ATRN: variants seen among roughly 807,000 people sequenced by gnomAD.
The protein encoded by ATRN is attractin.
Under a neutral mutation model 178.7 loss-of-function variants are expected in ATRN, and 54 were observed. The observed-to-expected ratio is 0.30, with a 90% confidence interval of 0.24 to 0.38. The LOEUF (loss-of-function observed/expected upper bound fraction) is 0.38, where lower values mean the gene tolerates loss of function less well. ATRN is among the 10% of genes least tolerant of loss of function. The probability of loss-of-function intolerance (pLI) is 1.00; values close to 1 mark genes in which losing one functional copy is unlikely to be tolerated. For synonymous variants in ATRN, 636 were observed against 663.0 expected, an observed-to-expected ratio of 0.96 and a Z score of 0.63; for missense variants, 1,443 against 1,815.1, an observed-to-expected ratio of 0.79 and a Z score of 3.73.
chr20:3,632,162 T>C lies in ATRN; in HGVS notation c.3864-2149T>C, dbSNP rs1009033093. On this transcript the variant is annotated intron_variant, in intron 25 of 28. Coordinates refer to ENST00000262919, the MANE Select transcript of ATRN (RefSeq NM_139321.3). This position sits in a 1 kb window ranked among gnomAD's most constrained non-coding sequence, Gnocchi z 4.2. ...ATCTCAGGGTTCTGCATGTCTAAAA[T>C]GGATCTACTGATATGTCCAGATTCC... Among the ~76,000 whole-genome samples the C allele has an allele frequency of 1.8e-3, 271 of 152,294 alleles. No homozygotes were observed. The highest frequency in any genetic ancestry group is 6.2e-3 in the African/African-American group (259 of 41,560).
chr20:3,482,416 A>T (rs1230832279), intron 1 of ATRN, among the ~76,000 whole-genome samples: 2 of 152,090 alleles, frequency 1.3e-5, no homozygotes, highest in Non-Finnish European at 2.9e-5. Context: ...ATTTTTTAGA[A>T]TTTTTTTGCG....
rs2085941795 is a variant in ATRN, at chr20:3,560,823, G to A, written c.1365G>A (p.Lys455=). Residue 455 remains lysine (K), a synonymous_variant, in exon 8 of 29, where the codon AAG becomes AAA. Transcript: ENST00000262919. ...ACTCTGCACACATTGTTACACTGAA[G>A]AATGGCCGAGTGGTCATGCTGGTCA... is the stretch of plus-strand genomic sequence containing the variant. ...VGHSAHIVTL[K]NGRVVMLVIF... The A allele has an allele frequency of 6.2e-7, 1 of 1,614,066 alleles. No homozygotes were observed. Among genetic ancestry groups the A allele is most frequent in the Non-Finnish European group, 8.5e-7 (1 of 1,180,044 alleles).
Position 3,624,546 on chromosome 20 carries a change from G to A in ATRN, c.3837G>A (p.Leu1279=), listed in dbSNP as rs1260330433. ...AFSQHSNFMD[L]VQFFVTFFSC... ...CTCAGCACAGCAATTTTATGGACCT[G>A]GTACAGTTCTTCGTGACTTTCTTCA... Residue 1279 remains leucine, a synonymous_variant, in exon 25 of 29, where the codon CTG becomes CTA. Transcript: ENST00000262919. 14 of 1,613,776 alleles carry A rather than the reference G, an allele frequency of 8.7e-6. No individual in the cohort carries two copies. The highest frequency in any genetic ancestry group is 1.2e-5 in the Non-Finnish European group (14 of 1,179,926).
At chr20:3,554,990 C>CTTTTTTTTTTTTTTTT (rs536209701) in intron 6 of ATRN, among the ~76,000 whole-genome samples, 1 of 67,490 alleles carries the variant, frequency 1.5e-5, no homozygotes, top group African/African-American at 7.0e-5. Flanking sequence ...GACCTGACCT[C>CTTTTTTTTTTTTTTTT]TTTTTTTTTT....
intron 6 of ATRN, among the ~76,000 whole-genome samples, chr20:3,556,332 G>T (rs567045627): frequency 6.6e-6 from 1 of 152,326 alleles, no homozygotes; most frequent in Admixed American, 6.5e-5. Context: ...TGCTTGGAGT[G>T]TATCCAAGAA....
chr20:3,593,962 G>A (rs2086488148), intron 19 of ATRN, among the ~76,000 whole-genome samples: 1 of 152,110 alleles, frequency 6.6e-6, no homozygotes, highest in Admixed American at 6.6e-5. Context: ...TGTCCTGAGG[G>A]CCCCTAAAGC....
Position 3,638,950 on chromosome 20 carries a change from C to G in ATRN, c.4050+15C>G, listed in dbSNP as rs370681120. On this transcript the variant is annotated intron_variant, in intron 27 of 28. Coordinates refer to ENST00000262919, the MANE Select transcript of ATRN (RefSeq NM_139321.3). The surrounding 1 kb of genome is among the most constrained non-coding windows in gnomAD (Gnocchi z 4.5). The stretch of plus-strand genomic sequence containing the variant: ...GGAGTATAAAGGTGAGAATGTGACT[C>G]AGAAGTCCCTATAACTTGACTTTTT... The G allele has an allele frequency of 6.2e-6, 10 of 1,604,460 alleles. No individual in the cohort carries two copies. Among genetic ancestry groups the G allele is most frequent in the Non-Finnish European group, 8.5e-6 (10 of 1,172,768 alleles).
intron 25 of ATRN, among the ~76,000 whole-genome samples, chr20:3,631,724 G>A (rs2086991087): frequency 6.6e-6 from 1 of 152,194 alleles, no homozygotes; most frequent in African/African-American, 2.4e-5. Flanking sequence ...GTTTCTGAGT[G>A]ACACCAGGGT....
At chr20:3,514,045 A>T (rs1018267757) in intron 1 of ATRN, among the ~76,000 whole-genome samples, 5 of 152,230 alleles carry the variant, frequency 3.3e-5, no homozygotes, top group African/African-American at 1.2e-4. Context: ...GACAAGCCCC[A>T]GTGAGATGAA....
At chr20:3,480,710 C>CT (rs1313187353) in intron 1 of ATRN, among the ~76,000 whole-genome samples, 1 of 152,018 alleles carries the variant, frequency 6.6e-6, no homozygotes, top group African/African-American at 2.4e-5. Context: ...TGGGCAGATG[C>CT]TTTTTATTTA....
chr20:3,595,703 G>A (rs1055625480), intron 20 of ATRN, among the ~76,000 whole-genome samples: 2 of 152,282 alleles, frequency 1.3e-5, no homozygotes, highest in Middle Eastern at 3.4e-3. Flanking sequence ...ATGTAGGCAG[G>A]TGCTGCTCAT....
At chr20:3,593,532 G>A (rs926150758) in intron 19 of ATRN, among the ~76,000 whole-genome samples, 4 of 152,110 alleles carry the variant, frequency 2.6e-5, no homozygotes, top group African/African-American at 9.7e-5. Flanking sequence ...AGTAGAGGAC[G>A]CTGAATTCAA....
At chr20:3,616,527 T>C (rs2086849219) in intron 24 of ATRN, among the ~76,000 whole-genome samples, 1 of 152,020 alleles carries the variant, frequency 6.6e-6, no homozygotes, top group African/African-American at 2.4e-5. Context: ...GGAAAGGAAA[T>C]GACCAGCCCT....
chr20:3,485,079 C>T (rs1451919802), intron 1 of ATRN, among the ~76,000 whole-genome samples: 2 of 151,958 alleles, frequency 1.3e-5, no homozygotes, highest in African/African-American at 4.8e-5. Context: ...ATGGGGGTGT[C>T]ACAGCTGTCA....
intron 23 of ATRN, among the ~76,000 whole-genome samples, chr20:3,601,468 G>T (rs2086606718): frequency 6.6e-6 from 1 of 152,116 alleles, no homozygotes; most frequent in Non-Finnish European, 1.5e-5. Context: ...TAGGTACAGA[G>T]AAATGTAACT....
At chr20:3,631,299 TCCAGATAATC>T (rs1243782248) in intron 25 of ATRN, among the ~76,000 whole-genome samples, 3 of 152,068 alleles carry the variant, frequency 2.0e-5, no homozygotes, top group Non-Finnish European at 4.4e-5. Context: ...GGGAAAGGTA[TCCAGATAATC>T]CTAAGCACTC....
At chr20:3,501,032 A>G (rs1172907302) in intron 1 of ATRN, among the ~76,000 whole-genome samples, 1 of 152,172 alleles carries the variant, frequency 6.6e-6, no homozygotes, top group Admixed American at 6.5e-5. Context: ...TTGATTATAC[A>G]TTTCTAGAGG....
At chr20:3,495,776 A>C (rs1480881985) in intron 1 of ATRN, among the ~76,000 whole-genome samples, 1 of 152,034 alleles carries the variant, frequency 6.6e-6, no homozygotes, top group Non-Finnish European at 1.5e-5. Flanking sequence ...TGAAAAAAAA[A>C]ACAAAACCCA....
chr20:3,623,745 C>T (rs2086914957), intron 24 of ATRN, among the ~76,000 whole-genome samples: 1 of 152,198 alleles, frequency 6.6e-6, no homozygotes, highest in African/African-American at 2.4e-5. Context: ...ATAGTAAGGA[C>T]ACAATTCTCG....
Sources: gnomAD v4.1 joint callset for allele counts (sites outside exome capture counted in the v4.1 genomes callset) on GRCh38, gnomAD v4.1.1 for gene constraint, Gnocchi (gnomAD v3.1) non-coding constraint, MANE v1.5 for transcripts, NCBI Gene and HGNC (gene_info 2026-07-23, HGNC 2026-07-21) for gene names.